Variants in MVK observed in about 807,000 individuals in gnomAD.
The protein encoded by MVK is LH receptor mRNA-binding protein.
MVK carries 34 observed loss-of-function variants against 43.2 expected under a neutral mutation model. The observed-to-expected ratio is 0.79, with a 90% CI of 0.60 to 1.05. The LOEUF is 1.05. MVK is among the 50% of genes least tolerant of loss of function. The probability of loss-of-function intolerance (pLI) is 0.00; values close to 1 mark genes in which losing one functional copy is unlikely to be tolerated. For synonymous variants in MVK, 190 were observed against 219.8 expected (o/e 0.86, Z 1.20); for missense variants, 395 against 504.0 (o/e 0.78, Z 2.07).
intron 7 of MVK, chr12:109,590,322 G>A: frequency 6.4e-6 from 2 of 314,798 alleles, no homozygotes; most frequent in East Asian, 8.0e-5. Flanking sequence ...CTGGATGACT[G>A]TGCCGGGTTC....
chr12:109,596,980 G>C lies in MVK; in HGVS notation c.*403G>C, dbSNP rs564169832. ...TGTGCCTTCTCTCTCCCTTTTCAGG[G>C]ACCGCCCCCTGTCTCTCAGGGCCAG... On this transcript the variant is annotated 3_prime_UTR_variant, in exon 11 of 11. Transcript: ENST00000228510. 3.5e-6 allele frequency: 1 copy of C among 289,824 alleles called. No individual in the cohort carries two copies. Among genetic ancestry groups the C allele is most frequent in the African/African-American group, 2.2e-5 (1 of 45,950 alleles). The allele number at this position is 289,824 out of a possible 1,614,324, so 18.0% of individuals were successfully genotyped here.
At position 109,596,979 on chromosome 12, in the gene MVK, GGACCGCC is replaced by G. The variant is rs1217094335; in HGVS notation, c.*403_*409del. 1 of 289,218 alleles carries G rather than the reference GGACCGCC, an allele frequency of 3.5e-6. No homozygotes were observed. Among genetic ancestry groups the G allele is most frequent in the Non-Finnish European group, 6.8e-6 (1 of 147,074 alleles). The allele number at this position is 289,218 out of a possible 1,614,324, so 17.9% of individuals were successfully genotyped here. ...GTGTGCCTTCTCTCTCCCTTTTCAG[GGACCGCC>G]CCCTGTCTCTCAGGGCCAGGCCTCT... On this transcript the variant is annotated 3_prime_UTR_variant, in exon 11 of 11. Coordinates refer to ENST00000228510, the MANE Select transcript of MVK (RefSeq NM_000431.4).
chr12:109,573,489 C>A (rs554831769), upstream of MVK: 703 of 1,598,070 alleles, frequency 4.4e-4, 7 homozygotes, highest in South Asian at 6.9e-3. Context: ...ATGAGCCAGG[C>A]TGCTTGACGG....
At chr12:109,591,159 C>T in intron 8 of MVK, 82 bp from the exon 9 acceptor site, 3 of 1,317,842 alleles carry the variant, frequency 2.3e-6, no homozygotes, top group South Asian at 1.2e-5. Context: ...AACACCTCCT[C>T]CCTCCACCCC....
upstream of MVK, chr12:109,573,469 G>T (rs1481415459): frequency 1.9e-5 from 30 of 1,603,866 alleles, no homozygotes; most frequent in Non-Finnish European, 2.5e-5. Flanking sequence ...TCCCCAGGCC[G>T]CACACAGCCA....
In MVK at chr12:109,574,875, G is replaced by A. The variant is rs1268300855; in HGVS notation, c.53G>A (p.Gly18Glu). 6.2e-7 allele frequency: 1 copy of A among 1,610,154 alleles called. No homozygotes were observed. The highest frequency in any genetic ancestry group is 8.5e-7 in the Non-Finnish European group (1 of 1,178,358). The stretch of plus-strand genomic sequence containing the variant: ...GCTCCGGGGAAAGTCATCCTTCATG[G>A]AGAACATGCCGTGGTACATGGCAAG... ...VSAPGKVILH[G>E]EHAVVHGKVA... The change falls in exon 2 of 11, where the codon GGA (glycine) becomes GAA (glutamate). Residue 18 changes from glycine (G) to glutamate (E), a missense_variant. Transcript: ENST00000228510.
chr12:109,583,349 T>C (rs1262877095), intron 5 of MVK, among the ~76,000 whole-genome samples: 2 of 151,904 alleles, frequency 1.3e-5, no homozygotes, highest in African/African-American at 4.8e-5. Context: ...ATATGCGGTG[T>C]TTGGTTTTTT....
chr12:109,579,135 CA>C, intron 3 of MVK: 5 of 390,564 alleles, frequency 1.3e-5, no homozygotes, highest in Non-Finnish European at 2.0e-5. Flanking sequence ...TTTAAGACTA[CA>C]ATTTTTTTTT....
rs1353817016 is a variant in MVK at position 109,586,791 on chromosome 12, C to T, written c.669C>T (p.Ser223=). 4 of 1,614,164 alleles carry T rather than the reference C, an allele frequency of 2.5e-6. No individual in the cohort carries two copies. Among genetic ancestry groups the T allele is most frequent in the East Asian group, 2.2e-5 (1 of 44,886 alleles). ...GATACCATCAAGGGAAGATTTCATC[C>T]TTAAAGAGGTAACCTGGGGGTGGAG... ...ALRYHQGKIS[S]LKRSPALQIL... is the part of the protein sequence containing the mutation. The change falls in exon 7 of 11, where the codon TCC becomes TCT. Residue 223 remains serine, a synonymous_variant. Coordinates refer to ENST00000228510, the MANE Select transcript of MVK (RefSeq NM_000431.4).
At position 109,583,162 on chromosome 12, in the gene MVK, T is replaced by C. The variant is rs1370388761; in HGVS notation, c.527+1612T>C. On this transcript the variant is annotated intron_variant, in intron 5 of 10. Transcript: ENST00000228510. Reference sequence around the variant, plus strand: ...GTGCACAATGTGCAGGTTAGTTACATATGTATACATGTGCCATGCTGGTGT... The same window carrying C: ...GTGCACAATGTGCAGGTTAGTTACACATGTATACATGTGCCATGCTGGTGT... 3.3e-5 allele frequency among the ~76,000 whole-genome samples: 5 copies of C among 151,958 alleles called. No individual in the cohort carries two copies. In the East Asian group the frequency reaches 9.6e-4, roughly 29 times the overall value.
rs186835026 is a variant in MVK at position 109,585,644 on chromosome 12, C to T, written c.528-378C>T. 5.3e-5 allele frequency among the ~76,000 whole-genome samples: 8 copies of T among 152,274 alleles called. No homozygotes were observed. In the South Asian group the frequency reaches 8.3e-4, roughly 16 times the overall value. On this transcript the variant is annotated intron_variant, in intron 5 of 10. Coordinates refer to ENST00000228510, the MANE Select transcript of MVK (RefSeq NM_000431.4). The stretch of plus-strand genomic sequence containing the variant: ...ATTAGCTGGGCGTGCTGGTGTGCAC[C>T]TGTTGTCCCAGCTGCTCGGGAGGCT...
At position 109,595,117 on chromosome 12, in the gene MVK, C is replaced by T. The variant is rs748947620; in HGVS notation, c.975C>T (p.Arg325=). The T allele has an allele frequency of 9.4e-5, 151 of 1,614,054 alleles. No individual in the cohort carries two copies. Among genetic ancestry groups the T allele is most frequent in the Non-Finnish European group, 1.2e-4 (141 of 1,180,042 alleles). ...AGCTCTGCCAGGTGACCAGGGCCCG[C>T]GGACTTCACAGCAAGCTGACTGGCG... ...LDQLCQVTRA[R]GLHSKLTGAG... is the part of the protein sequence containing the mutation. The change falls in exon 10 of 11, where the codon CGC becomes CGT. Residue 325 remains arginine (R), a synonymous_variant. Transcript: ENST00000228510. This position sits in a 1 kb window ranked among gnomAD's most constrained non-coding sequence, Gnocchi z 5.9.
At chr12:109,590,597 G>T (rs1885622534) in intron 7 of MVK, 174 bp from the exon 8 acceptor site, 2 of 668,898 alleles carry the variant, frequency 3.0e-6, no homozygotes, top group Admixed American at 2.1e-5. Context: ...GCCTGGGATG[G>T]AGGCGCAGCT....
Position 109,597,130 on chromosome 12 carries a change from TC to T in MVK, c.*558del, listed in dbSNP as rs1349349774. 2.6e-5 allele frequency: 5 copies of T among 191,120 alleles called. No individual in the cohort carries two copies. The highest frequency in any genetic ancestry group is 5.5e-5 in the Non-Finnish European group (5 of 90,496). The allele number at this position is 191,120 out of a possible 1,614,324, so 11.8% of individuals were successfully genotyped here. ...TCCCTTCTACCTAGCGGGATGGGGCTCCCCCAGGGGCTGTCCCGGAGGCGGT... is the reference window on the plus strand; with the variant it reads ...TCCCTTCTACCTAGCGGGATGGGGCTCCCCAGGGGCTGTCCCGGAGGCGGT... On this transcript the variant is annotated 3_prime_UTR_variant, in exon 11 of 11. Coordinates refer to ENST00000228510, the MANE Select transcript of MVK (RefSeq NM_000431.4).
At chr12:109,579,688 C>A in intron 3 of MVK, 114 bp from the exon 4 acceptor site, 1 of 1,406,884 alleles carries the variant, frequency 7.1e-7, no homozygotes, top group Non-Finnish European at 1.0e-6. Context: ...ACCATAAATT[C>A]GTGTCCATCC....
chr12:109,587,403 C>T (rs1885484810), intron 7 of MVK, among the ~76,000 whole-genome samples: 1 of 152,052 alleles, frequency 6.6e-6, no homozygotes, highest in African/African-American at 2.4e-5. Flanking sequence ...CGTGCATGTG[C>T]GATTTCAGCA....
Position 109,596,745 on chromosome 12 carries a change from C to G in MVK, c.*168C>G. On this transcript the variant is annotated 3_prime_UTR_variant, in exon 11 of 11. Transcript: ENST00000228510. The stretch of plus-strand genomic sequence containing the variant: ...AGCTCTGCAGTCCCAGCGGTGGGAC[C>G]TAGGGAGGCATGGTCTGCCCTCTGC... 9.9e-7 allele frequency: 1 copy of G among 1,008,026 alleles called. No individual in the cohort carries two copies. The allele number at this position is 1,008,026 out of a possible 1,614,324, so 62.4% of individuals were successfully genotyped here.
intron 5 of MVK, among the ~76,000 whole-genome samples, chr12:109,583,939 A>G (rs1466313408): frequency 6.6e-6 from 1 of 152,192 alleles, no homozygotes; most frequent in African/African-American, 2.4e-5. Context: ...CAGTTGCTCA[A>G]TAAATGCTGA....
rs749345288 is a variant in MVK, at chr12:109,574,837, C to T, written c.15C>T (p.Val5=). ...TCCCAGGAGCCATGTTGTCAGAAGT[C>T]CTACTGGTGTCTGCTCCGGGGAAAG... MLSE[V]LLVSAPGKVI... The change falls in exon 2 of 11, where the codon GTC becomes GTT. Residue 5 remains valine (V), a synonymous_variant. Transcript: ENST00000228510. 15 of 1,606,488 alleles carry T rather than the reference C, an allele frequency of 9.3e-6. 2 individuals carry two copies. The highest frequency in any genetic ancestry group is 7.8e-5 in the South Asian group (7 of 89,318).
Sources: allele counts gnomAD v4.1 joint callset (sites outside exome capture counted in the v4.1 genomes callset), GRCh38; gene constraint gnomAD v4.1.1; non-coding constraint Gnocchi (gnomAD v3.1); transcripts MANE v1.5; gene names NCBI Gene and HGNC (gene_info 2026-07-23, HGNC 2026-07-21).